The following RANBP3L variants were observed in gnomAD, a reference collection of about 807,000 sequenced individuals.
The protein encoded by RANBP3L is RAN binding protein 3 like.
RANBP3L carries 56 observed loss-of-function variants against 67.2 expected under a neutral mutation model. The ratio of observed to expected loss-of-function variants is 0.83; its 90% CI spans 0.67 to 1.04. RANBP3L has a LOEUF of 1.04. Among genes scored for constraint, RANBP3L ranks in the 50% least tolerant of loss-of-function variants. The pLI, the probability that RANBP3L is intolerant of heterozygous loss-of-function variation, is 0.00. For missense variants in RANBP3L, 496 were observed against 535.5 expected, an observed-to-expected ratio of 0.93 and a Z score of 0.73; for synonymous variants, 164 against 181.4, an observed-to-expected ratio of 0.90 and a Z score of 0.77.
rs1748395661 is a variant in RANBP3L at position 36,248,338 on chromosome 5, T to TA, written c.*1315dup. 6.6e-6 allele frequency: 1 copy of TA among 152,194 alleles called. No individual in the cohort carries two copies. The highest frequency in any genetic ancestry group is 2.4e-5 in the African/African-American group (1 of 41,468). 9.4% of individuals were successfully genotyped at this position (152,194 alleles called of 1,614,324 possible). ...TTATATTAAGTTATGCTTTCTCAGT[T>TA]ATAAGGAAGGACAAAATGTTGAACA... On this transcript the variant is annotated 3_prime_UTR_variant, in exon 14 of 14. Transcript: ENST00000296604.
chr5:36,265,569 T>C, intron 4 of RANBP3L, 49 bp from the exon 5 acceptor site: 1 of 1,104,980 alleles, frequency 9.0e-7, no homozygotes. Flanking sequence ...GAGTGTCAGA[T>C]TCTACACTAT....
At chr5:36,300,715 A>T (rs1239150682) in intron 1 of RANBP3L, among the ~76,000 whole-genome samples, 1 of 152,154 alleles carries the variant, frequency 6.6e-6, no homozygotes, top group Non-Finnish European at 1.5e-5. Context: ...TCTGACACTA[A>T]CTCAGCTGGC....
At chr5:36,287,983 G>C (rs1402246110) in intron 1 of RANBP3L, among the ~76,000 whole-genome samples, 1 of 152,214 alleles carries the variant, frequency 6.6e-6, no homozygotes, top group African/African-American at 2.4e-5. Context: ...TAGAGGCCTA[G>C]AGGAAAATTT....
At chr5:36,278,881 A>G (rs546000454) in intron 1 of RANBP3L, among the ~76,000 whole-genome samples, 2 of 152,316 alleles carry the variant, frequency 1.3e-5, no homozygotes, top group South Asian at 4.1e-4. Flanking sequence ...ACTTATTTAC[A>G]TGAACAAATT....
chr5:36,248,354 A>G lies in RANBP3L; in HGVS notation c.*1300T>C, dbSNP rs1306789377. ...TTTCTCAGTTATAAGGAAGGACAAA[A>G]TGTTGAACAATTGTCATAATCATAA... On this transcript the variant is annotated 3_prime_UTR_variant, in exon 14 of 14. Transcript: ENST00000296604. 6.6e-6 allele frequency: 1 copy of G among 152,186 alleles called. No individual in the cohort carries two copies. The highest frequency in any genetic ancestry group is 1.5e-5 in the Non-Finnish European group (1 of 68,002). 9.4% of individuals were successfully genotyped at this position (152,186 alleles called of 1,614,324 possible). A position where few individuals can be genotyped will look rare whatever the true frequency, so the allele number is the denominator to read the frequency against.
At chr5:36,256,101 G>C (rs1748959474) in intron 10 of RANBP3L, among the ~76,000 whole-genome samples, 1 of 152,032 alleles carries the variant, frequency 6.6e-6, no homozygotes, top group South Asian at 2.1e-4. Context: ...TTTTTAAAGA[G>C]AGCATGATAA....
chr5:36,261,225 C>A (rs1271106827), intron 7 of RANBP3L, among the ~76,000 whole-genome samples: 4 of 152,130 alleles, frequency 2.6e-5, no homozygotes, highest in Non-Finnish European at 5.9e-5. Flanking sequence ...GTTTTAGCAA[C>A]CAGAGATCTC....
chr5:36,280,255 A>G (rs1750880006), intron 1 of RANBP3L, among the ~76,000 whole-genome samples: 1 of 152,182 alleles, frequency 6.6e-6, no homozygotes, highest in South Asian at 2.1e-4. Flanking sequence ...TCAAACACAG[A>G]CCTGCTACCC....
At chr5:36,260,431 G>A (rs888999853) in intron 8 of RANBP3L, among the ~76,000 whole-genome samples, 6 of 150,172 alleles carry the variant, frequency 4.0e-5, no homozygotes, top group Non-Finnish European at 5.9e-5. Flanking sequence ...TGATGACATC[G>A]ACAAACTATT....
chr5:36,262,803 C>G (rs1321665636), intron 6 of RANBP3L, among the ~76,000 whole-genome samples: 1 of 151,976 alleles, frequency 6.6e-6, no homozygotes, highest in Non-Finnish European at 1.5e-5. Flanking sequence ...AAATATGTAT[C>G]AAGAGAGCAT....
intron 2 of RANBP3L, 42 bp downstream of exon 2, chr5:36,271,211 C>T: frequency 9.0e-7 from 1 of 1,115,884 alleles, no homozygotes; most frequent in East Asian, 2.4e-5. Context: ...ATATAATTGT[C>T]TTTGTCAAAG....
intron 1 of RANBP3L, among the ~76,000 whole-genome samples, chr5:36,278,493 A>G (rs1750755109): frequency 6.6e-6 from 1 of 152,154 alleles, no homozygotes; most frequent in South Asian, 2.1e-4. Flanking sequence ...TCTAGAGCAC[A>G]TTCAGATTTC....
chr5:36,285,786 C>T (rs568203690), intron 1 of RANBP3L, among the ~76,000 whole-genome samples: 4 of 152,086 alleles, frequency 2.6e-5, no homozygotes, highest in South Asian at 2.1e-4. Context: ...AATCAATATC[C>T]GAGCCTTTGA....
At chr5:36,271,386 A>G (rs1175748618) in intron 1 of RANBP3L, 75 bp from the exon 2 acceptor site, 2 of 965,604 alleles carry the variant, frequency 2.1e-6, no homozygotes, top group African/African-American at 2.3e-5. Flanking sequence ...AAATATTTGA[A>G]GACTTTTTTT....
intron 1 of RANBP3L, among the ~76,000 whole-genome samples, chr5:36,292,397 G>T (rs71588432): frequency 8.4e-4 from 128 of 151,506 alleles, no homozygotes; most frequent in African/African-American, 2.3e-3. Context: ...AGAAGCTCTT[G>T]AGTTTAATTA....
chr5:36,267,298 A>G (rs1749870428), intron 4 of RANBP3L, among the ~76,000 whole-genome samples: 1 of 152,064 alleles, frequency 6.6e-6, no homozygotes, highest in Non-Finnish European at 1.5e-5. Flanking sequence ...CACGAGGTCA[A>G]GAGATCAAAA....
At chr5:36,299,333 ATATGTGTGTGTG>A in intron 1 of RANBP3L, among the ~76,000 whole-genome samples, 1 of 130,806 alleles carries the variant, frequency 7.6e-6, no homozygotes, top group South Asian at 2.4e-4. Context: ...ACACATACAT[ATATGTGTGTGTG>A]TGTGTGTGTG....
At chr5:36,270,762 TG>T (rs576744290) in intron 2 of RANBP3L, among the ~76,000 whole-genome samples, 199 of 152,334 alleles carry the variant, frequency 1.3e-3, no homozygotes, top group African/African-American at 4.4e-3. Flanking sequence ...CCTCGAAACA[TG>T]CGGGGATTAC....
At chr5:36,271,989 C>G (rs1750248685) in intron 1 of RANBP3L, among the ~76,000 whole-genome samples, 1 of 152,010 alleles carries the variant, frequency 6.6e-6, no homozygotes, top group Admixed American at 6.6e-5. Context: ...CTCCAGAATT[C>G]TTAAGAAATA....
Sources: gnomAD v4.1 joint callset for allele counts (sites outside exome capture counted in the v4.1 genomes callset) on GRCh38, gnomAD v4.1.1 for gene constraint, MANE v1.5 for transcripts, NCBI Gene and HGNC (gene_info 2026-07-23, HGNC 2026-07-21) for gene names.